Variants in STK33 observed in about 807,000 individuals in gnomAD.
STK33 encodes serine/threonine kinase 33, also known as serine/threonine-protein kinase 33.
STK33 carries 52 observed loss-of-function variants against 58.0 expected under a neutral mutation model. The observed-to-expected ratio is 0.90, with a 90% CI of 0.72 to 1.13. STK33 has a LOEUF of 1.13. Among genes scored for constraint, STK33 ranks in the 50% most tolerant of loss-of-function variants. The pLI is 0.00. For missense variants in STK33, 630 were observed against 604.2 expected (o/e 1.04, Z -0.45); for synonymous variants, 215 against 200.1 (o/e 1.07, Z -0.63).
At chr11:8,415,797 T>C (rs1163150889) in intron 14 of STK33, among the ~76,000 whole-genome samples, 3 of 152,192 alleles carry the variant, frequency 2.0e-5, no homozygotes, top group African/African-American at 7.2e-5. Flanking sequence ...CAATATGATG[T>C]GACAGCTCAT....
intron 1 of STK33, among the ~76,000 whole-genome samples, chr11:8,553,165 A>G (rs1417075079): frequency 2.1e-5 from 1 of 47,838 alleles, no homozygotes; most frequent in Non-Finnish European, 4.1e-5. Flanking sequence ...CTCCAAAAAT[A>G]AAATATATAT....
At chr11:8,555,664 TAAAATAAAATA>T (rs1379935176) in intron 1 of STK33, among the ~76,000 whole-genome samples, 1 of 151,622 alleles carries the variant, frequency 6.6e-6, no homozygotes, top group Non-Finnish European at 1.5e-5. Flanking sequence ...GACTCCATCT[TAAAATAAAATA>T]AAAATAAAAA....
intron 1 of STK33, among the ~76,000 whole-genome samples, chr11:8,495,086 T>C (rs112716648): frequency 0.019 from 2,866 of 152,152 alleles, 82 homozygotes; most frequent in African/African-American, 0.065. Flanking sequence ...AAAGCCGAAA[T>C]TGACAAATGG....
At chr11:8,396,747 T>C (rs1849416918) in intron 15 of STK33, among the ~76,000 whole-genome samples, 1 of 152,112 alleles carries the variant, frequency 6.6e-6, no homozygotes, top group Non-Finnish European at 1.5e-5. Flanking sequence ...ACTTGGAAAA[T>C]CGGGTCACTC....
intron 1 of STK33, among the ~76,000 whole-genome samples, chr11:8,489,358 T>G (rs1407716955): frequency 6.6e-6 from 1 of 150,564 alleles, no homozygotes; most frequent in East Asian, 1.9e-4. Flanking sequence ...AGATGATCAA[T>G]AAATATATAT....
At chr11:8,372,270 C>T in the STK33 span, among the ~76,000 whole-genome samples, 1 of 151,462 alleles carries the variant, frequency 6.6e-6, no homozygotes, top group Non-Finnish European at 1.5e-5. Context: ...GTTCTATGAA[C>T]ACCAATCGGG....
chr11:8,559,905 G>GT (rs932917462), intron 1 of STK33, among the ~76,000 whole-genome samples: 2 of 151,932 alleles, frequency 1.3e-5, no homozygotes, highest in Non-Finnish European at 2.9e-5. Context: ...CCTATTCTCA[G>GT]TAACTTACCC....
rs1946981913 is a variant in STK33 at position 8,457,341 on chromosome 11, C to T, written c.697G>A (p.Asp233Asn). ...ASAIAYLHNN[D>N]IVHRDLKLEN... ...ATGAGCTGGATAACCCTCTTCTTAC[C>T]ATTATTGTGAAGATATGCTATAGCT... is the stretch of plus-strand genomic sequence containing the variant. The change falls in exon 9 of 16, where the codon GAT becomes AAT. Residue 233 changes from aspartate to asparagine, a missense_variant and splice_region_variant. By Grantham distance (23) the Asp-to-Asn change is conservative. Transcript: ENST00000687296. The T allele has an allele frequency of 1.3e-6, 2 of 1,566,620 alleles. No individual in the cohort carries two copies. The highest frequency in any genetic ancestry group is 1.7e-6 in the Non-Finnish European group (2 of 1,147,102).
the STK33 span, among the ~76,000 whole-genome samples, chr11:8,383,337 C>A: frequency 4.6e-5 from 7 of 152,274 alleles, no homozygotes; most frequent in South Asian, 1.5e-3. Flanking sequence ...CAGTGAGCAG[C>A]AGGTGTCAGA....
At chr11:8,551,667 A>G (rs1180658770) in intron 1 of STK33, among the ~76,000 whole-genome samples, 1 of 152,126 alleles carries the variant, frequency 6.6e-6, no homozygotes, top group East Asian at 1.9e-4. Context: ...CTGGCTTGTC[A>G]TCGTTTCCCA....
At chr11:8,454,454 T>C (rs1299553081) in intron 10 of STK33, among the ~76,000 whole-genome samples, 1 of 152,210 alleles carries the variant, frequency 6.6e-6, no homozygotes, top group Non-Finnish European at 1.5e-5. Context: ...TTACCAGACA[T>C]AATTTTGAAA....
intron 11 of STK33, among the ~76,000 whole-genome samples, chr11:8,443,893 G>A (rs917007015): frequency 6.6e-6 from 1 of 152,168 alleles, no homozygotes; most frequent in Non-Finnish European, 1.5e-5. Context: ...CTTGCTCCTG[G>A]CTCCTGGGGA....
the STK33 span, among the ~76,000 whole-genome samples, chr11:8,353,193 G>A: frequency 6.6e-6 from 1 of 152,332 alleles, no homozygotes; most frequent in East Asian, 1.9e-4. Flanking sequence ...GAGGAGCAGA[G>A]GAGAGATGAC....
rs371660674 is a variant in STK33 at position 8,440,745 on chromosome 11, C to T, written c.880G>A (p.Val294Ile). Residue 294 changes from valine to isoleucine, a missense_variant, in exon 12 of 16, where the codon GTT (valine) becomes ATT (isoleucine). Transcript: ENST00000687296. ...CGTPIYMAPE[V>I]ISAHDYSQQC... The stretch of plus-strand genomic sequence containing the variant: ...TGGCTATAGTCGTGGGCACTGATAA[C>T]TTCAGGGGCTGCCAAACAAGCAGAT... 6.4e-7 allele frequency: 1 copy of T among 1,565,430 alleles called. No individual in the cohort carries two copies. Among genetic ancestry groups the T allele is most frequent in the Admixed American group, 1.9e-5 (1 of 53,552 alleles).
At chr11:8,488,772 A>G (rs1211558211) in intron 1 of STK33, among the ~76,000 whole-genome samples, 1 of 152,202 alleles carries the variant, frequency 6.6e-6, no homozygotes, top group Non-Finnish European at 1.5e-5. Flanking sequence ...GTTGCCACAT[A>G]TAAAATGTCC....
rs147651096 is a variant in STK33 at position 8,475,180 on chromosome 11, G to T, written c.-161-114C>A. The T allele has an allele frequency of 2.8e-4, 84 of 296,952 alleles. No homozygotes were observed. In the East Asian group the frequency reaches 3.9e-3, roughly 14 times the overall value. The allele number at this position is 296,952 out of a possible 1,614,324, so 18.4% of individuals were successfully genotyped here. ...AAGCATCCTGTATAGACATGAAAAG[G>T]ACAAAATAGGACCACAAAACTGGTG... On this transcript the variant is annotated intron_variant, in intron 4 of 15. Coordinates refer to ENST00000687296, the MANE Select transcript of STK33 (RefSeq NM_001352389.2).
Position 8,594,136 on chromosome 11 carries a change from G to C in STK33, c.-519C>G, listed in dbSNP as rs1302060910. ...CAGGTGCGCACACTCGGCGCAGGCT[G>C]TCGCTGAGCCCGGAATTCTGCACCG... On this transcript the variant is annotated 5_prime_UTR_variant, in exon 1 of 16. Transcript: ENST00000687296. The C allele has an allele frequency of 6.6e-6, 1 of 152,378 alleles. No homozygotes were observed. The highest frequency in any genetic ancestry group is 2.4e-5 in the African/African-American group (1 of 41,482). The allele number at this position is 152,378 out of a possible 1,614,324, so 9.4% of individuals were successfully genotyped here. A position where few individuals can be genotyped will look rare whatever the true frequency, so the allele number is the denominator to read the frequency against.
intron 1 of STK33, among the ~76,000 whole-genome samples, chr11:8,523,124 C>T (rs551036091): frequency 2.0e-5 from 3 of 152,304 alleles, no homozygotes; most frequent in South Asian, 2.1e-4. Flanking sequence ...AGGGCAGTGG[C>T]GTGATCTCGG....
the STK33 span, among the ~76,000 whole-genome samples, chr11:8,338,818 T>C: frequency 6.6e-6 from 1 of 152,142 alleles, no homozygotes; most frequent in Non-Finnish European, 1.5e-5. Flanking sequence ...TCTCTCTCAA[T>C]GGGCCAAATC....
Sources: gnomAD v4.1 joint callset for allele counts (sites outside exome capture counted in the v4.1 genomes callset) on GRCh38, gnomAD v4.1.1 for gene constraint, MANE v1.5 for transcripts, NCBI Gene and HGNC (gene_info 2026-07-23, HGNC 2026-07-21) for gene names.